Variants in CCDC69 observed in about 807,000 individuals in gnomAD.
CCDC69 encodes coiled-coil domain-containing protein 69.
Under a neutral mutation model 40.3 loss-of-function variants are expected in CCDC69, and 38 were observed. That is an observed-to-expected ratio of 0.94 (90% CI 0.73 to 1.24). The LOEUF is 1.24. CCDC69 is among the 50% of genes most tolerant of loss of function. The pLI, the probability that CCDC69 is intolerant of heterozygous loss-of-function variation, is 0.00. For missense variants in CCDC69, 389 were observed against 357.9 expected (o/e 1.09, Z -0.70); for synonymous variants, 141 against 138.9 (o/e 1.02, Z -0.11).
At chr5:151,212,787 C>T (rs529805537) in intron 1 of CCDC69, 25 of 456,034 alleles carry the variant, frequency 5.5e-5, no homozygotes, top group South Asian at 2.8e-4. Context: ...AAGCTGCTGG[C>T]GTGTCATCTA....
intron 4 of CCDC69, among the ~76,000 whole-genome samples, chr5:151,193,187 T>G (rs977996403): frequency 6.6e-6 from 1 of 151,868 alleles, no homozygotes; most frequent in African/African-American, 2.4e-5. Flanking sequence ...ATTTGAAAAC[T>G]CAAACAAATG....
chr5:151,222,495 C>G (rs1582055089), intron 1 of CCDC69, among the ~76,000 whole-genome samples: 1 of 152,248 alleles, frequency 6.6e-6, no homozygotes, highest in Admixed American at 6.5e-5. Flanking sequence ...GCAGAGAACA[C>G]AGACTCTCAG....
At chr5:151,201,547 G>T in intron 3 of CCDC69, 35 bp downstream of exon 3, 1 of 1,437,420 alleles carries the variant, frequency 7.0e-7, no homozygotes, top group Non-Finnish European at 9.8e-7. Context: ...TAGCTGAGCA[G>T]GAGAAAGACA....
intron 1 of CCDC69, among the ~76,000 whole-genome samples, chr5:151,214,377 G>A (rs1753003792): frequency 6.6e-6 from 1 of 152,102 alleles, no homozygotes; most frequent in South Asian, 2.1e-4. Flanking sequence ...GGAAGGGCGG[G>A]GCCTAAATGA....
intron 5 of CCDC69, among the ~76,000 whole-genome samples, chr5:151,186,493 C>A (rs1210567311): frequency 1.3e-5 from 2 of 151,750 alleles, no homozygotes; most frequent in Non-Finnish European, 2.9e-5. Context: ...ATGAAAGGAA[C>A]ATACCAACCC....
In CCDC69 at chr5:151,224,090, A is replaced by G; in HGVS notation, c.-120T>C. Reference sequence around the variant, plus strand: ...CTGGGGCTGCCGGCGAGACCCTGAAACTGAACCTGGAAGCGCTGTCTTGAG... The same window carrying G: ...CTGGGGCTGCCGGCGAGACCCTGAAGCTGAACCTGGAAGCGCTGTCTTGAG... On this transcript the variant is annotated 5_prime_UTR_variant, in exon 1 of 9. Transcript: ENST00000355417. 1.2e-6 allele frequency: 1 copy of G among 865,730 alleles called. No homozygotes were observed. The highest frequency in any genetic ancestry group is 1.9e-5 in the South Asian group (1 of 52,832). The allele number at this position is 865,730 out of a possible 1,614,324, so 53.6% of individuals were successfully genotyped here.
intron 1 of CCDC69, chr5:151,215,709 C>G (rs1264181590): frequency 5.9e-6 from 2 of 338,882 alleles, no homozygotes; most frequent in South Asian, 2.0e-5. Context: ...AATGACAGAG[C>G]TCAGCCATCT....
chr5:151,200,346 C>T (rs904195937), intron 3 of CCDC69, among the ~76,000 whole-genome samples: 3 of 151,744 alleles, frequency 2.0e-5, no homozygotes, highest in African/African-American at 7.3e-5. Context: ...GCCATGTTGC[C>T]CAGGCTGTTC....
intron 1 of CCDC69, among the ~76,000 whole-genome samples, chr5:151,221,993 A>C (rs1332000980): frequency 6.6e-6 from 1 of 152,250 alleles, no homozygotes; most frequent in Non-Finnish European, 1.5e-5. Flanking sequence ...GGGGCCTGGC[A>C]TGGCTGGGGC....
rs1255280940 is a variant in CCDC69 at position 151,182,282 on chromosome 5, G to C, written c.*1155C>G. The C allele has an allele frequency of 6.6e-6, 1 of 152,248 alleles. No individual in the cohort carries two copies. Among genetic ancestry groups the C allele is most frequent in the African/African-American group, 2.4e-5 (1 of 41,442 alleles). 9.4% of individuals were successfully genotyped at this position (152,248 alleles called of 1,614,324 possible). A position where few individuals can be genotyped will look rare whatever the true frequency, so the allele number is the denominator to read the frequency against. ...ATTAGACATGAAGCTTCCTGAGAAG[G>C]ATCCGAAATCCACAGACTATCAGGA... On this transcript the variant is annotated 3_prime_UTR_variant, in exon 9 of 9. Coordinates refer to ENST00000355417, the MANE Select transcript of CCDC69 (RefSeq NM_015621.3).
chr5:151,199,186 C>T, intron 3 of CCDC69, 102 bp from the exon 4 acceptor site: 1 of 888,146 alleles, frequency 1.1e-6, no homozygotes, highest in Non-Finnish European at 1.9e-6. Context: ...GACCAGAGTC[C>T]TAACCCTTCC....
Position 151,185,228 on chromosome 5 carries a change from G to C in CCDC69, c.615+194C>G, listed in dbSNP as rs903661859. On this transcript the variant is annotated intron_variant, in intron 7 of 8. Transcript: ENST00000355417. ...GTAGCCTCAAAAGGCACAGGACTCA[G>C]ATGATAAGGAGCCACTGCTTGACCC... is the stretch of plus-strand genomic sequence containing the variant. 4 of 559,704 alleles carry C rather than the reference G, an allele frequency of 7.1e-6. No individual in the cohort carries two copies. The African/African-American group carries it at 7.6e-5, about 11-fold the overall frequency. 34.7% of individuals were successfully genotyped at this position (559,704 alleles called of 1,614,324 possible).
chr5:151,187,511 T>A lies in CCDC69; in HGVS notation c.320-52A>T, dbSNP rs1582039013. 1.8e-5 allele frequency: 27 copies of A among 1,463,548 alleles called. No individual in the cohort carries two copies. In the East Asian group the frequency reaches 6.3e-4, roughly 34 times the overall value. 90.7% of individuals were successfully genotyped at this position (1,463,548 alleles called of 1,614,324 possible). A position where few individuals can be genotyped will look rare whatever the true frequency, so the allele number is the denominator to read the frequency against. On this transcript the variant is annotated intron_variant, in intron 4 of 8. Transcript: ENST00000355417. The stretch of plus-strand genomic sequence containing the variant: ...CTCAAGACACTTCTCCCCAAAGCCT[T>A]CTGCAGGCCCCTTGGTGGCCAGGAA...
chr5:151,183,348 A>G lies in CCDC69; in HGVS notation c.*89T>C. ...CTCCCACCCTCGTTCCTTCCTGGAA[A>G]AGAACTGAGAGGCTCCTGCTGTCTT... On this transcript the variant is annotated 3_prime_UTR_variant, in exon 9 of 9. Coordinates refer to ENST00000355417, the MANE Select transcript of CCDC69 (RefSeq NM_015621.3). 7.0e-7 allele frequency: 1 copy of G among 1,436,586 alleles called. No homozygotes were observed. Among genetic ancestry groups the G allele is most frequent in the Non-Finnish European group, 9.6e-7 (1 of 1,040,568 alleles). 89.0% of individuals were successfully genotyped at this position (1,436,586 alleles called of 1,614,324 possible).
intron 1 of CCDC69, among the ~76,000 whole-genome samples, chr5:151,222,393 T>C (rs1404029919): frequency 2.0e-5 from 3 of 152,228 alleles, no homozygotes; most frequent in African/African-American, 7.2e-5. Flanking sequence ...TTCCAGCTTG[T>C]GGAAGGGTCA....
At chr5:151,204,056 G>T (rs956248245) in intron 2 of CCDC69, among the ~76,000 whole-genome samples, 1 of 151,274 alleles carries the variant, frequency 6.6e-6, no homozygotes, top group Non-Finnish European at 1.5e-5. Flanking sequence ...CTGAGACAGG[G>T]TCTTGCTCTG....
intron 1 of CCDC69, among the ~76,000 whole-genome samples, chr5:151,216,573 G>A (rs892046809): frequency 2.6e-5 from 4 of 151,548 alleles, no homozygotes; most frequent in Admixed American, 6.6e-5. Flanking sequence ...CGTGCCACAC[G>A]CCCGGCTAAT....
intron 1 of CCDC69, among the ~76,000 whole-genome samples, chr5:151,221,767 C>T (rs1056521270): frequency 1.3e-5 from 2 of 152,386 alleles, no homozygotes; most frequent in African/African-American, 4.8e-5. Context: ...TCATGGTTAT[C>T]AGAACCTAAC....
rs1215342186 is a variant in CCDC69, at chr5:151,203,815, CGT to C, written c.124+1583_124+1584del. ...TATATATAGTATATATAATATATAT[CGT>C]ATATATAGTATATATATAAAATATA... On this transcript the variant is annotated intron_variant, in intron 2 of 8. Coordinates refer to ENST00000355417, the MANE Select transcript of CCDC69 (RefSeq NM_015621.3). Among the ~76,000 whole-genome samples the C allele has an allele frequency of 4.8e-3, 563 of 118,178 alleles. 3 individuals carry two copies. Among genetic ancestry groups the C allele is most frequent in the African/African-American group, 0.019 (541 of 28,236 alleles). 77.5% of individuals were successfully genotyped at this position (118,178 alleles called of 152,430 possible).
Sources: allele counts gnomAD v4.1 joint callset (sites outside exome capture counted in the v4.1 genomes callset), GRCh38; gene constraint gnomAD v4.1.1; transcripts MANE v1.5; gene names NCBI Gene and HGNC (gene_info 2026-07-23, HGNC 2026-07-21).